MROH1: variants seen among roughly 807,000 people sequenced by gnomAD.
The protein encoded by MROH1 is maestro heat-like repeat-containing protein family member 1.
A neutral mutation model predicts 116.5 loss-of-function variants in MROH1; 117 were observed. The ratio of observed to expected loss-of-function variants is 1.00; its 90% confidence interval spans 0.86 to 1.17. The LOEUF (loss-of-function observed/expected upper bound fraction) is 1.17, where lower values mean the gene tolerates loss of function less well. Ranked by LOEUF, MROH1 falls within the 50% of genes most tolerant of loss-of-function variation. The probability of loss-of-function intolerance (pLI) is 0.00; values close to 1 mark genes in which losing one functional copy is unlikely to be tolerated. For synonymous variants in MROH1, 921 were observed against 583.9 expected, an observed-to-expected ratio of 1.58 and a Z score of -8.32; for missense variants, 1,873 against 1,338.5, an observed-to-expected ratio of 1.40 and a Z score of -6.23.
intron 10 of MROH1, among the ~76,000 whole-genome samples, chr8:144,194,092 C>T (rs1238593297): frequency 3.9e-5 from 6 of 152,060 alleles, no homozygotes; most frequent in Non-Finnish European, 5.9e-5. Flanking sequence ...GATGGAGTTT[C>T]GCTCTTGTTG....
intron 2 of MROH1, among the ~76,000 whole-genome samples, chr8:144,162,263 T>C (rs567304192): frequency 1.3e-5 from 2 of 151,768 alleles, no homozygotes; most frequent in Admixed American, 1.3e-4. Context: ...TTCTGTATTT[T>C]TTTAGTACAG....
At chr8:144,244,371 C>G (rs955299646) in intron 27 of MROH1, 35 bp downstream of exon 27, 6 of 722,092 alleles carry the variant, frequency 8.3e-6, no homozygotes, top group African/African-American at 3.5e-5. Flanking sequence ...TGTCCACATC[C>G]GTGAGAGTGG....
chr8:144,216,667 T>C (rs553433765), intron 12 of MROH1, among the ~76,000 whole-genome samples: 1 of 151,678 alleles, frequency 6.6e-6, no homozygotes, highest in South Asian at 2.1e-4. Flanking sequence ...ATTAATGGTA[T>C]GTCATATTTT....
In MROH1 at chr8:144,243,887, G is replaced by T. The variant is rs981845428; in HGVS notation, c.2500G>T (p.Asp834Tyr). 1.7e-5 allele frequency: 13 copies of T among 780,264 alleles called. No homozygotes were observed. In the Admixed American group the frequency reaches 2.2e-4, roughly 13 times the overall value. 48.3% of individuals were successfully genotyped at this position (780,264 alleles called of 1,614,324 possible). A position where few individuals can be genotyped will look rare whatever the true frequency, so the allele number is the denominator to read the frequency against. ...MMEFIRAEPPDSLRTPIRKKA... is the reference protein window; with the variant it reads ...MMEFIRAEPPYSLRTPIRKKA... ...GGAGTTCATCAGGGCAGAGCCCCCGGACTCCTTGAGGACACCTATTCGGAA... is the reference window on the plus strand; with the variant it reads ...GGAGTTCATCAGGGCAGAGCCCCCGTACTCCTTGAGGACACCTATTCGGAA... The change falls in exon 26 of 44, where the codon GAC (aspartate) becomes TAC (tyrosine). Residue 834 changes from aspartate to tyrosine, a missense_variant. Transcript: ENST00000326134.
intron 12 of MROH1, among the ~76,000 whole-genome samples, chr8:144,218,000 G>A (rs929022766): frequency 1.5e-4 from 22 of 151,540 alleles, no homozygotes; most frequent in African/African-American, 2.9e-4. Flanking sequence ...GGGTGGCTGC[G>A]TTAGTGGCCC....
rs1424324154 is a variant in MROH1, at chr8:144,247,578, G to A, written c.3019G>A (p.Asp1007Asn). The A allele has an allele frequency of 1.0e-5, 8 of 774,366 alleles. No individual in the cohort carries two copies. Among genetic ancestry groups the A allele is most frequent in the Non-Finnish European group, 1.9e-5 (8 of 417,136 alleles). 48.0% of individuals were successfully genotyped at this position (774,366 alleles called of 1,614,324 possible). A position where few individuals can be genotyped will look rare whatever the true frequency, so the allele number is the denominator to read the frequency against. The change falls in exon 31 of 44, where the codon GAC becomes AAC. Residue 1007 changes from aspartate (D) to asparagine (N), a missense_variant. Asp to Asn is a conservative substitution (Grantham distance 23). Coordinates refer to ENST00000326134, the MANE Select transcript of MROH1 (RefSeq NM_032450.3). The part of the protein sequence containing the change: ...LQLGYEGFSR[D>N]YRDDVAERLL... Reference sequence around the variant, plus strand: ...CTGCCGCCTCTCAGGCTTCTCCCGGGACTACCGCGATGACGTGGCGGAGCG... The same window carrying A: ...CTGCCGCCTCTCAGGCTTCTCCCGGAACTACCGCGATGACGTGGCGGAGCG...
chr8:144,214,841 A>G (rs1379176323), intron 12 of MROH1, among the ~76,000 whole-genome samples: 1 of 152,188 alleles, frequency 6.6e-6, no homozygotes, highest in Non-Finnish European at 1.5e-5. Context: ...TCACGATCAC[A>G]GGGTCCCACA....
Position 144,260,794 on chromosome 8 carries a change from C to G in MROH1, c.4498C>G (p.Leu1500Val). The G allele has an allele frequency of 1.3e-6, 1 of 778,146 alleles. No homozygotes were observed. Among genetic ancestry groups the G allele is most frequent in the Non-Finnish European group, 2.4e-6 (1 of 417,608 alleles). The allele number at this position is 778,146 out of a possible 1,614,324, so 48.2% of individuals were successfully genotyped here. A position where few individuals can be genotyped will look rare whatever the true frequency, so the allele number is the denominator to read the frequency against. The change falls in exon 40 of 44, where the codon CTG (leucine) becomes GTG (valine). Residue 1500 changes from leucine (L) to valine (V), a missense_variant. Transcript: ENST00000326134. ...GGTGGTGGGCGGGCTGGCGCCCCTG[C>G]TGCTGCACCTGCAGGACCCTCAGGC... ...DQVVGGLAPL[L>V]LHLQDPQATV... is the part of the protein sequence containing the mutation.
chr8:144,214,651 G>T (rs990449495), intron 12 of MROH1, among the ~76,000 whole-genome samples: 10 of 152,102 alleles, frequency 6.6e-5, no homozygotes, highest in Non-Finnish European at 1.3e-4. Flanking sequence ...GCATTCTCGT[G>T]TGGGGCCGCG....
At chr8:144,151,274 A>AAAAAC (rs1816720517) in intron 1 of MROH1, among the ~76,000 whole-genome samples, 2 of 148,426 alleles carry the variant, frequency 1.3e-5, no homozygotes, top group African/African-American at 5.1e-5. Flanking sequence ...AAAAAAAAAA[A>AAAAAC]CCTCCAAGAT....
chr8:144,174,958 G>A (rs1823447833), intron 4 of MROH1: 1 of 985,300 alleles, frequency 1.0e-6, no homozygotes, highest in South Asian at 4.7e-5. Flanking sequence ...GGAATCTGGA[G>A]AACTCAGTCC....
At chr8:144,244,834 G>A (rs2133014251) in intron 28 of MROH1, among the ~76,000 whole-genome samples, 1 of 152,286 alleles carries the variant, frequency 6.6e-6, no homozygotes, top group Non-Finnish European at 1.5e-5. Context: ...CTACCAGGGT[G>A]GTGCTAGGGT....
chr8:144,216,607 G>C (rs189263955), intron 12 of MROH1, among the ~76,000 whole-genome samples: 91 of 152,178 alleles, frequency 6.0e-4, no homozygotes, highest in African/African-American at 2.1e-3. Flanking sequence ...AGGTGTTCTG[G>C]TGGTCCCACT....
intron 29 of MROH1, among the ~76,000 whole-genome samples, chr8:144,246,098 CCTTCCTTT>C (rs1745101307): frequency 8.0e-6 from 1 of 125,774 alleles, no homozygotes; most frequent in African/African-American, 3.0e-5. Flanking sequence ...TCCTTTCCTT[CCTTCCTTT>C]CTTTCCTTTC....
At chr8:144,223,321 G>A (rs1837188521) in intron 14 of MROH1, 91 bp downstream of exon 14, 3 of 1,482,340 alleles carry the variant, frequency 2.0e-6, no homozygotes, top group Non-Finnish European at 9.1e-7. Flanking sequence ...GCCCAGCAGA[G>A]GGTGGATATG....
At chr8:144,173,784 A>G (rs1336815291) in intron 4 of MROH1, among the ~76,000 whole-genome samples, 1 of 152,212 alleles carries the variant, frequency 6.6e-6, no homozygotes, top group South Asian at 2.1e-4. Context: ...GGCCTTGCCC[A>G]GCCATGCTGG....
intron 18 of MROH1, 122 bp from the exon 19 acceptor site, chr8:144,239,979 G>A (rs1840689963): frequency 2.8e-6 from 2 of 711,368 alleles, no homozygotes; most frequent in African/African-American, 1.7e-5. Flanking sequence ...GGGAGCAGGT[G>A]GGGGGCAGCG....
chr8:144,243,230 C>T (rs1841324284), intron 24 of MROH1, among the ~76,000 whole-genome samples: 1 of 152,244 alleles, frequency 6.6e-6, no homozygotes, highest in Admixed American at 6.5e-5. Flanking sequence ...CCGGAGGACT[C>T]TTCTCCTGCT....
At chr8:144,224,602 C>T (rs1346907127) in intron 14 of MROH1, among the ~76,000 whole-genome samples, 6 of 152,216 alleles carry the variant, frequency 3.9e-5, no homozygotes, top group Admixed American at 6.5e-5. Context: ...TTGCTGTTTC[C>T]GTGGAGCCTC....
Sources: allele counts gnomAD v4.1 joint callset (sites outside exome capture counted in the v4.1 genomes callset), GRCh38; gene constraint gnomAD v4.1.1; transcripts MANE v1.5; gene names NCBI Gene and HGNC (gene_info 2026-07-23, HGNC 2026-07-21).